The following GLCE variants were observed in gnomAD, a reference collection of about 807,000 sequenced individuals.
GLCE encodes the protein D-glucuronyl C5-epimerase.
In GLCE, 19 loss-of-function variants were observed where a neutral mutation model predicts 47.9. The ratio of observed to expected loss-of-function variants is 0.40; its 90% CI spans 0.28 to 0.58. GLCE has a LOEUF of 0.58. Among genes scored for constraint, GLCE ranks in the 20% least tolerant of loss-of-function variants. The pLI is 0.48. For synonymous variants in GLCE, 245 were observed against 263.4 expected (o/e 0.93, Z 0.68); for missense variants, 556 against 743.3 (o/e 0.75, Z 2.93).
At chr15:69,243,073 A>AAAAG (rs1446855348) in intron 2 of GLCE, among the ~76,000 whole-genome samples, 9 of 150,464 alleles carry the variant, frequency 6.0e-5, no homozygotes, top group South Asian at 2.1e-4. Context: ...AAAAAAAAAA[A>AAAAG]AAAGAAAGAA....
chr15:69,207,643 C>A (rs1033278047), intron 1 of GLCE, among the ~76,000 whole-genome samples: 1 of 151,974 alleles, frequency 6.6e-6, no homozygotes, highest in Non-Finnish European at 1.5e-5. Flanking sequence ...TTTGTTTATC[C>A]ATTCACCCGG....
At chr15:69,163,034 A>T (rs191950831) in intron 1 of GLCE, among the ~76,000 whole-genome samples, 50 of 152,358 alleles carry the variant, frequency 3.3e-4, no homozygotes, top group African/African-American at 1.2e-3. Flanking sequence ...TGAAGGGTTT[A>T]AAATAAGTTT....
chr15:69,223,071 G>A (rs146430994), intron 2 of GLCE, among the ~76,000 whole-genome samples: 15 of 152,214 alleles, frequency 9.9e-5, no homozygotes, highest in East Asian at 1.9e-4. Context: ...TGTTAAATGC[G>A]GTAGTCTCTT....
chr15:69,241,918 G>A (rs193209574), intron 2 of GLCE, among the ~76,000 whole-genome samples: 51 of 152,270 alleles, frequency 3.3e-4, no homozygotes, highest in African/African-American at 1.2e-3. Context: ...CCGTCCAGAT[G>A]AGACTTAATT....
chr15:69,188,468 G>A (rs773045524), intron 1 of GLCE, among the ~76,000 whole-genome samples: 1 of 152,150 alleles, frequency 6.6e-6, no homozygotes, highest in Non-Finnish European at 1.5e-5. Flanking sequence ...TTCTGGATAA[G>A]CCTTTTAGAA....
chr15:69,201,218 C>A (rs997881072), intron 1 of GLCE, among the ~76,000 whole-genome samples: 62 of 152,202 alleles, frequency 4.1e-4, no homozygotes, highest in African/African-American at 1.3e-3. Flanking sequence ...CTGCAAGTCC[C>A]TTTTGCCATG....
intron 2 of GLCE, among the ~76,000 whole-genome samples, chr15:69,254,036 C>A (rs1221875788): frequency 1.3e-5 from 2 of 152,102 alleles, no homozygotes. Flanking sequence ...ACACATTCAC[C>A]ATCAACTTCT....
chr15:69,194,179 G>A (rs568525879), intron 1 of GLCE, among the ~76,000 whole-genome samples: 2 of 152,220 alleles, frequency 1.3e-5, no homozygotes, highest in South Asian at 4.1e-4. Flanking sequence ...TTGCCCACTG[G>A]GCATGCAGCT....
intron 1 of GLCE, among the ~76,000 whole-genome samples, chr15:69,162,961 A>C (rs777594438): frequency 6.6e-6 from 1 of 152,156 alleles, no homozygotes; most frequent in Non-Finnish European, 1.5e-5. Context: ...TAATGTACTT[A>C]ATTTTGGAAT....
chr15:69,235,646 C>A (rs542800273), intron 2 of GLCE, among the ~76,000 whole-genome samples: 1 of 152,088 alleles, frequency 6.6e-6, no homozygotes, highest in Non-Finnish European at 1.5e-5. Context: ...CAAATTTAGG[C>A]CTATCAGACT....
intron 2 of GLCE, among the ~76,000 whole-genome samples, chr15:69,250,014 T>C (rs763909795): frequency 1.3e-5 from 2 of 152,218 alleles, no homozygotes; most frequent in Non-Finnish European, 2.9e-5. Context: ...CTGATTTTTA[T>C]TGGATTATAT....
intron 2 of GLCE, among the ~76,000 whole-genome samples, chr15:69,212,806 G>T (rs2052251051): frequency 6.6e-6 from 1 of 151,968 alleles, no homozygotes; most frequent in African/African-American, 2.4e-5. Context: ...TCATATAACT[G>T]TCAGGGCAGT....
rs1442109154 is a variant in GLCE at position 69,271,785 on chromosome 15, A to G, written c.*2541A>G. 1.3e-5 allele frequency: 2 copies of G among 152,660 alleles called. No individual in the cohort carries two copies. The highest frequency in any genetic ancestry group is 2.4e-5 in the African/African-American group (1 of 41,458). The allele number at this position is 152,660 out of a possible 1,614,324, so 9.5% of individuals were successfully genotyped here. A position where few individuals can be genotyped will look rare whatever the true frequency, so the allele number is the denominator to read the frequency against. Reference sequence around the variant, plus strand: ...TTTGACCTTTTAGGAGTTATTGTACATAAAGGCTTCATCCACGAACCATCC... The same window carrying G: ...TTTGACCTTTTAGGAGTTATTGTACGTAAAGGCTTCATCCACGAACCATCC... On this transcript the variant is annotated 3_prime_UTR_variant, in exon 5 of 5. Transcript: ENST00000261858.
At chr15:69,192,882 T>G (rs1023588619) in intron 1 of GLCE, among the ~76,000 whole-genome samples, 1 of 152,180 alleles carries the variant, frequency 6.6e-6, no homozygotes, top group African/African-American at 2.4e-5. Context: ...TCCTGGCCTT[T>G]TGTGAGCACT....
chr15:69,172,372 A>G (rs1296860727), intron 1 of GLCE, among the ~76,000 whole-genome samples: 1 of 152,218 alleles, frequency 6.6e-6, no homozygotes, highest in Non-Finnish European at 1.5e-5. Flanking sequence ...ACAAGTAATG[A>G]CACCTAGCTT....
chr15:69,161,401 G>C (rs1458881965), intron 1 of GLCE, among the ~76,000 whole-genome samples: 1 of 152,022 alleles, frequency 6.6e-6, no homozygotes, highest in African/African-American at 2.4e-5. Flanking sequence ...GGGTTGTTGG[G>C]GGCTGAGGGT....
At chr15:69,218,368 G>A (rs1442952637) in intron 2 of GLCE, among the ~76,000 whole-genome samples, 1 of 151,884 alleles carries the variant, frequency 6.6e-6, no homozygotes, top group Non-Finnish European at 1.5e-5. Flanking sequence ...AAAAAAATTG[G>A]CTGGGTGTAG....
intron 2 of GLCE, among the ~76,000 whole-genome samples, chr15:69,215,246 A>G (rs1425703657): frequency 6.6e-6 from 1 of 152,052 alleles, no homozygotes. Context: ...CAAGCCCCAA[A>G]TCCTGGCAAC....
intron 1 of GLCE, among the ~76,000 whole-genome samples, chr15:69,210,092 T>C (rs1162279123): frequency 1.3e-5 from 2 of 152,124 alleles, no homozygotes; most frequent in Non-Finnish European, 2.9e-5. Context: ...TCAGTCTGGA[T>C]GAAAGCAGAG....
Sources: gnomAD v4.1 joint callset for allele counts (sites outside exome capture counted in the v4.1 genomes callset) on GRCh38, gnomAD v4.1.1 for gene constraint, MANE v1.5 for transcripts, NCBI Gene and HGNC (gene_info 2026-07-23, HGNC 2026-07-21) for gene names.